SSPN: variants seen among roughly 807,000 people sequenced by gnomAD.
The protein encoded by SSPN is sarcospan.
SSPN carries 15 observed loss-of-function variants against 19.1 expected under a neutral mutation model. The ratio of observed to expected loss-of-function variants is 0.78; its 90% CI spans 0.52 to 1.21. SSPN has a LOEUF of 1.21. Ranked by LOEUF, SSPN falls within the 50% of genes most tolerant of loss-of-function variation. The pLI is 0.00. For synonymous variants in SSPN, 147 were observed against 140.3 expected (o/e 1.05, Z -0.34); for missense variants, 291 against 314.0 (o/e 0.93, Z 0.55).
At chr12:26,214,621 G>A (rs1003443938) in intron 1 of SSPN, 9 of 152,128 alleles carry the variant, frequency 5.9e-5, no homozygotes, top group South Asian at 2.1e-4. Flanking sequence ...TTAATTATGT[G>A]TATAGTTCTA....
intron 1 of SSPN, among the ~76,000 whole-genome samples, chr12:26,137,632 G>GTATATATATATATATATATATA: frequency 4.6e-5 from 2 of 43,256 alleles, no homozygotes; most frequent in Middle Eastern, 0.015. Context: ...GTGTGTGTGT[G>GTATATATATATATATATATATA]TATGTATATA....
At chr12:26,224,711 G>A (rs902921518) in intron 2 of SSPN, among the ~76,000 whole-genome samples, 8 of 151,940 alleles carry the variant, frequency 5.3e-5, no homozygotes, top group Non-Finnish European at 7.4e-5. Flanking sequence ...TCCATATCTC[G>A]GGGGTTATTT....
intron 1 of SSPN, among the ~76,000 whole-genome samples, chr12:26,160,948 A>C (rs1315756906): frequency 6.6e-6 from 1 of 151,982 alleles, no homozygotes; most frequent in Non-Finnish European, 1.5e-5. Flanking sequence ...TCTCTACTAA[A>C]AATACAAAAA....
intron 1 of SSPN, among the ~76,000 whole-genome samples, chr12:26,160,380 A>G (rs1008831334): frequency 6.6e-6 from 1 of 152,186 alleles, no homozygotes; most frequent in African/African-American, 2.4e-5. Context: ...TTTAAAGTCA[A>G]TTTGCATTTT....
In SSPN at chr12:26,165,846, T is replaced by A. The variant is rs762466197; in HGVS notation, c.-31+43694T>A. 2.4e-4 allele frequency among the ~76,000 whole-genome samples: 37 copies of A among 152,196 alleles called. 1 individual carries two copies. Among genetic ancestry groups the A allele is most frequent in the Non-Finnish European group, 3.5e-4 (24 of 68,040 alleles). ...CTGGCCAGTTGTTCTCAGGCTCACA[T>A]GAAGAATTAGAATGAAATGTGTTTG... On this transcript the variant is annotated intron_variant, in intron 1 of 2. Coordinates refer to the SSPN transcript ENST00000538142.
Position 26,230,806 on chromosome 12 carries a change from C to T in SSPN, c.462C>T (p.Thr154=). The T allele has an allele frequency of 6.2e-7, 1 of 1,614,244 alleles. No homozygotes were observed. The highest frequency in any genetic ancestry group is 8.5e-7 in the Non-Finnish European group (1 of 1,180,050). ...AHHYSQLTQF[T]CETTLDSCQC... ...ACTATTCGCAGCTCACACAGTTTAC[C>T]TGTGAGACCACACTCGACTCTTGCC... Residue 154 remains threonine, a synonymous_variant, in exon 3 of 3, where the codon ACC becomes ACT. Transcript: ENST00000242729.
chr12:26,137,016 T>C (rs2620699), intron 1 of SSPN, among the ~76,000 whole-genome samples: 2,595 of 152,330 alleles, frequency 0.017, 77 homozygotes, highest in African/African-American at 0.059. Context: ...TCTTGACTTA[T>C]TTCTTCTTTA....
At chr12:26,187,597 G>A (rs1361592974) in intron 1 of SSPN, among the ~76,000 whole-genome samples, 1 of 152,110 alleles carries the variant, frequency 6.6e-6, no homozygotes, top group Non-Finnish European at 1.5e-5. Context: ...GATTGGCTGG[G>A]GTGAGCAACG....
chr12:26,182,080 C>A (rs764108649), intron 1 of SSPN, among the ~76,000 whole-genome samples: 3 of 152,162 alleles, frequency 2.0e-5, no homozygotes, highest in Non-Finnish European at 4.4e-5. Context: ...GAGTAAATCA[C>A]GTGTCAGGAT....
chr12:26,194,889 C>T (rs1944812442), upstream of SSPN, among the ~76,000 whole-genome samples: 2 of 152,130 alleles, frequency 1.3e-5, no homozygotes, highest in South Asian at 4.1e-4. Context: ...CACTTGGAGA[C>T]TGAGGAGAGA....
intron 1 of SSPN, among the ~76,000 whole-genome samples, chr12:26,215,959 T>G (rs1034671278): frequency 2.6e-5 from 4 of 152,230 alleles, no homozygotes; most frequent in African/African-American, 4.8e-5. Context: ...GGGCAATGAA[T>G]GTATATCTAG....
chr12:26,234,395 A>G lies in SSPN; in HGVS notation c.*3319A>G, dbSNP rs753433270. 1 of 152,232 alleles carries G rather than the reference A, an allele frequency of 6.6e-6. No individual in the cohort carries two copies. The highest frequency in any genetic ancestry group is 1.5e-5 in the Non-Finnish European group (1 of 68,040). 9.4% of individuals were successfully genotyped at this position (152,232 alleles called of 1,614,324 possible). A position where few individuals can be genotyped will look rare whatever the true frequency, so the allele number is the denominator to read the frequency against. On this transcript the variant is annotated 3_prime_UTR_variant, in exon 3 of 3. Coordinates refer to ENST00000242729, the MANE Select transcript of SSPN (RefSeq NM_005086.5). Reference sequence around the variant, plus strand: ...TAAATTTCTGTAAATCATGTTGGCTATCAGTTCTTGCTATTCTCAGAGCAC... The same window carrying G: ...TAAATTTCTGTAAATCATGTTGGCTGTCAGTTCTTGCTATTCTCAGAGCAC...
chr12:26,154,970 T>C lies in SSPN; in HGVS notation c.-31+32818T>C, dbSNP rs572411165. The stretch of plus-strand genomic sequence containing the variant: ...GTGTAATGACAGAGAAAACAATCTG[T>C]GGAGCTCAGGATAGATTAATTTTTA... On this transcript the variant is annotated intron_variant, in intron 1 of 2. Coordinates refer to the SSPN transcript ENST00000538142. Among the ~76,000 whole-genome samples, 10 of 152,278 alleles carry C rather than the reference T, an allele frequency of 6.6e-5. No homozygotes were observed. In the South Asian group the frequency reaches 1.2e-3, roughly 19 times the overall value.
chr12:26,195,497 TC>T, upstream of SSPN: 1 of 1,143,858 alleles, frequency 8.7e-7, no homozygotes, highest in Non-Finnish European at 1.1e-6. Context: ...GAATCCCCCC[TC>T]TGCTGCGGGC....
At chr12:26,177,820 C>T (rs1349599139) in intron 1 of SSPN, among the ~76,000 whole-genome samples, 1 of 152,176 alleles carries the variant, frequency 6.6e-6, no homozygotes, top group Non-Finnish European at 1.5e-5. Context: ...ACTCATCATG[C>T]ACAGGACCCT....
chr12:26,144,668 G>A (rs1191052444), intron 1 of SSPN, among the ~76,000 whole-genome samples: 1 of 152,148 alleles, frequency 6.6e-6, no homozygotes, highest in African/African-American at 2.4e-5. Context: ...TAAGGCAGAT[G>A]TGAGCTCCAA....
chr12:26,176,567 G>T lies in SSPN; in HGVS notation c.-30-47726G>T, dbSNP rs117447948. 5.1e-4 allele frequency among the ~76,000 whole-genome samples: 77 copies of T among 152,300 alleles called. No homozygotes were observed. In the East Asian group the frequency reaches 0.013, roughly 27 times the overall value. ...ATGGGAGGCTGTGCGTCACTGTACA[G>T]CTCCACTCACTAACTTCTTTATCAA... On this transcript the variant is annotated intron_variant, in intron 1 of 2. Transcript: ENST00000538142.
chr12:26,195,439 C>A (rs981150204), upstream of SSPN: 12 of 683,428 alleles, frequency 1.8e-5, no homozygotes, highest in Middle Eastern at 1.4e-3. Context: ...CTGCCCGGGG[C>A]CCGGCAGGCG....
intron 1 of SSPN, chr12:26,181,381 T>C (rs1199781380): frequency 1.3e-5 from 2 of 152,172 alleles, no homozygotes; most frequent in African/African-American, 4.8e-5. Context: ...AGGAACAAAA[T>C]CAGTTAACTT....
Sources: allele counts gnomAD v4.1 joint callset (sites outside exome capture counted in the v4.1 genomes callset), GRCh38; gene constraint gnomAD v4.1.1; transcripts MANE v1.5; gene names NCBI Gene and HGNC (gene_info 2026-07-23, HGNC 2026-07-21).